The following SEMA6D variants were observed in gnomAD, a reference collection of about 807,000 sequenced individuals.
The protein encoded by SEMA6D is semaphorin 6D, also known as semaphorin-6D.
SEMA6D carries 35 observed loss-of-function variants against 106.6 expected under a neutral mutation model. The observed-to-expected ratio is 0.33, with a 90% CI of 0.25 to 0.44. SEMA6D has a LOEUF of 0.44. Among genes scored for constraint, SEMA6D ranks in the 20% least tolerant of loss-of-function variants. The probability of loss-of-function intolerance (pLI) is 1.00; values close to 1 mark genes in which losing one functional copy is unlikely to be tolerated. For synonymous variants in SEMA6D, 499 were observed against 487.7 expected, an observed-to-expected ratio of 1.02 and a Z score of -0.31; for missense variants, 1,185 against 1,345.9, an observed-to-expected ratio of 0.88 and a Z score of 1.87.
intron 4 of SEMA6D, among the ~76,000 whole-genome samples, chr15:47,601,839 AG>A (rs1209321644): frequency 2.6e-5 from 4 of 152,206 alleles, no homozygotes; most frequent in Admixed American, 6.6e-5. Context: ...AGTATTTTAA[AG>A]TTATCTCCTG....
chr15:47,658,218 C>G (rs942469437), intron 4 of SEMA6D, among the ~76,000 whole-genome samples: 1 of 151,768 alleles, frequency 6.6e-6, no homozygotes, highest in East Asian at 1.9e-4. Context: ...TTTTCAATAC[C>G]TCTTAATAAT....
chr15:47,541,024 G>A (rs768826569), intron 3 of SEMA6D, among the ~76,000 whole-genome samples: 9 of 152,038 alleles, frequency 5.9e-5, no homozygotes, highest in Non-Finnish European at 1.0e-4. Flanking sequence ...AAGATAAAGG[G>A]GAACCATGGA....
In SEMA6D at chr15:47,551,673, CTGTGTGTGTGTG is replaced by C. The variant is rs3050565; in HGVS notation, c.-86-49176_-86-49165del. 4.2e-5 allele frequency among the ~76,000 whole-genome samples: 6 copies of C among 141,252 alleles called. No individual in the cohort carries two copies. The East Asian group carries it at 8.3e-4, about 20-fold the overall frequency. The allele number at this position is 141,252 out of a possible 152,430, so 92.7% of individuals were successfully genotyped here. On this transcript the variant is annotated intron_variant, in intron 3 of 19. Transcript: ENST00000558014. ...CCATCGAAGTCTAACATCTGGGACT[CTGTGTGTGTGTG>C]TGTGTGTGTGTGTGTCCCCTTATGC...
intron 1 of SEMA6D, among the ~76,000 whole-genome samples, chr15:47,198,115 C>T (rs1000546658): frequency 3.3e-5 from 5 of 152,038 alleles, no homozygotes; most frequent in African/African-American, 1.2e-4. Flanking sequence ...CATGATCTCA[C>T]TCACACGTGG....
intron 4 of SEMA6D, among the ~76,000 whole-genome samples, chr15:47,663,044 A>T (rs1489977064): frequency 6.6e-6 from 1 of 152,228 alleles, no homozygotes; most frequent in Non-Finnish European, 1.5e-5. Context: ...GCCAGAAGGC[A>T]TTGAAGATCA....
At chr15:47,593,360 C>G (rs2076474841) in intron 3 of SEMA6D, among the ~76,000 whole-genome samples, 1 of 126,392 alleles carries the variant, frequency 7.9e-6, no homozygotes, top group Non-Finnish European at 1.5e-5. Flanking sequence ...GAGCTGAGAT[C>G]GCACCACTGC....
intron 4 of SEMA6D, among the ~76,000 whole-genome samples, chr15:47,653,681 C>G (rs1006281172): frequency 9.2e-5 from 14 of 152,240 alleles, no homozygotes; most frequent in Admixed American, 3.3e-4. Flanking sequence ...ACATGGATTA[C>G]TAATATTTCA....
intron 3 of SEMA6D, among the ~76,000 whole-genome samples, chr15:47,577,468 G>A (rs147008525): frequency 2.2e-3 from 333 of 152,366 alleles, no homozygotes; most frequent in African/African-American, 7.8e-3. Flanking sequence ...TAATTTGCAA[G>A]TGATGGGAGG....
At chr15:47,519,620 C>G (rs545313714) in intron 3 of SEMA6D, among the ~76,000 whole-genome samples, 1 of 152,140 alleles carries the variant, frequency 6.6e-6, no homozygotes, top group African/African-American at 2.4e-5. Flanking sequence ...AAAACTCAGG[C>G]GCACCTACTT....
intron 3 of SEMA6D, among the ~76,000 whole-genome samples, chr15:47,554,525 G>A (rs899354363): frequency 2.0e-5 from 3 of 152,184 alleles, no homozygotes; most frequent in Admixed American, 6.5e-5. Context: ...TCCATAGATG[G>A]GAAAATGTGT....
intron 1 of SEMA6D, among the ~76,000 whole-genome samples, chr15:47,724,512 G>T (rs2079615005): frequency 6.6e-6 from 1 of 152,184 alleles, no homozygotes; most frequent in Non-Finnish European, 1.5e-5. Flanking sequence ...GCTCTGTGGA[G>T]TCACTGATAT....
chr15:47,514,841 C>T (rs541756913), intron 3 of SEMA6D, among the ~76,000 whole-genome samples: 1 of 152,184 alleles, frequency 6.6e-6, no homozygotes, highest in South Asian at 2.1e-4. Flanking sequence ...AAATATGTTC[C>T]ATGGAGCAGC....
chr15:47,677,303 A>G (rs1167428697), intron 4 of SEMA6D, among the ~76,000 whole-genome samples: 1 of 152,084 alleles, frequency 6.6e-6, no homozygotes, highest in Non-Finnish European at 1.5e-5. Context: ...TGTTGATTGT[A>G]TTGCCTGTAT....
chr15:47,503,909 T>G (rs2043949376), intron 3 of SEMA6D, among the ~76,000 whole-genome samples: 1 of 152,186 alleles, frequency 6.6e-6, no homozygotes, highest in African/African-American at 2.4e-5. Context: ...TTACTGCCAC[T>G]TAACCTTTGT....
intron 1 of SEMA6D, chr15:47,399,660 CTT>C (rs911308146): frequency 1.8e-4 from 27 of 152,308 alleles, no homozygotes; most frequent in African/African-American, 5.5e-4. Flanking sequence ...TAACCAGTGT[CTT>C]ATGCTGGGGA....
chr15:47,336,441 C>T lies in SEMA6D; in HGVS notation c.-238-75952C>T, dbSNP rs1031206320. 6.4e-4 allele frequency among the ~76,000 whole-genome samples: 97 copies of T among 152,128 alleles called. 5 individuals are homozygous for T. Among genetic ancestry groups the T allele is most frequent in the Non-Finnish European group, 4.4e-5 (3 of 68,038 alleles). ...TATCTGTGGAGCTGTTACTGGGGCTCATGGCAAAAGCCTGTGAGCACCTCC... is the reference window on the plus strand; with the variant it reads ...TATCTGTGGAGCTGTTACTGGGGCTTATGGCAAAAGCCTGTGAGCACCTCC... On this transcript the variant is annotated intron_variant, in intron 1 of 19. Coordinates refer to the SEMA6D transcript ENST00000558014.
At chr15:47,534,669 G>A (rs919290042) in intron 3 of SEMA6D, among the ~76,000 whole-genome samples, 1 of 152,174 alleles carries the variant, frequency 6.6e-6, no homozygotes, top group Non-Finnish European at 1.5e-5. Flanking sequence ...CTGTTGGAGA[G>A]ACTACGTAAT....
At chr15:47,389,882 A>G (rs281289) in intron 1 of SEMA6D, among the ~76,000 whole-genome samples, 76,365 of 152,042 alleles carry the variant, frequency 0.5, 22,732 homozygotes, top group African/African-American at 0.84. Context: ...CTATCCAAAA[A>G]GACTATTCCA....
intron 1 of SEMA6D, chr15:47,731,066 A>G (rs2080089659): frequency 1.8e-6 from 1 of 565,000 alleles, no homozygotes; most frequent in African/African-American, 1.9e-5. Context: ...GAAAAGAGAC[A>G]GACACACAGA....
Sources: allele counts gnomAD v4.1 joint callset (sites outside exome capture counted in the v4.1 genomes callset), GRCh38; gene constraint gnomAD v4.1.1; transcripts MANE v1.5; gene names NCBI Gene and HGNC (gene_info 2026-07-23, HGNC 2026-07-21).